Variants in DDX10 observed in about 807,000 individuals in gnomAD.
DDX10 encodes the protein probable ATP-dependent RNA helicase DDX10.
In DDX10, 74 loss-of-function variants were observed where a neutral mutation model predicts 104.3. The observed-to-expected ratio is 0.71, with a 90% CI of 0.59 to 0.86. The LOEUF (loss-of-function observed/expected upper bound fraction) is 0.86, where lower values mean the gene tolerates loss of function less well. Ranked by LOEUF, DDX10 falls within the 40% of genes least tolerant of loss-of-function variation. The pLI, the probability that DDX10 is intolerant of heterozygous loss-of-function variation, is 0.00. For missense variants in DDX10, 952 were observed against 1,040.0 expected, an observed-to-expected ratio of 0.92 and a Z score of 1.16; for synonymous variants, 351 against 353.4, an observed-to-expected ratio of 0.99 and a Z score of 0.08.
At chr11:108,937,764 G>C (rs897784634) in intron 17 of DDX10, among the ~76,000 whole-genome samples, 4 of 152,166 alleles carry the variant, frequency 2.6e-5, no homozygotes, top group Non-Finnish European at 5.9e-5. Context: ...TGTTACCTCT[G>C]AATTCTTTAG....
At chr11:108,684,143 T>C (rs7948820) in intron 6 of DDX10, among the ~76,000 whole-genome samples, 3,165 of 94,792 alleles carry the variant, frequency 0.033, 158 homozygotes, top group African/African-American at 0.13. Flanking sequence ...TTCCAGTTCT[T>C]TTTTTTTTTT....
chr11:108,821,720 G>A (rs1031715458), intron 13 of DDX10, among the ~76,000 whole-genome samples: 3 of 151,982 alleles, frequency 2.0e-5, no homozygotes, highest in Non-Finnish European at 4.4e-5. Context: ...GTAAGAAAGC[G>A]CTTTTTTAAA....
intron 15 of DDX10, 133 bp from the exon 16 acceptor site, chr11:108,852,020 T>C: frequency 1.5e-6 from 1 of 670,062 alleles, no homozygotes; most frequent in Non-Finnish European, 2.6e-6. Context: ...CCCATAGTAG[T>C]AGTCAGTAAA....
chr11:108,878,817 A>G (rs547921344), intron 16 of DDX10, among the ~76,000 whole-genome samples: 1 of 151,322 alleles, frequency 6.6e-6, no homozygotes, highest in South Asian at 2.1e-4. Context: ...TTGAAAACTT[A>G]CTATGTATGT....
In DDX10 at chr11:108,847,052, G is replaced by A. The variant is rs747435964; in HGVS notation, c.2248-5101G>A. ...CCACCCCAGCCTTCAGCTTTGTCTG[G>A]CACTTATAGGTAGCTGTGCTTAAAT... On this transcript the variant is annotated intron_variant, in intron 15 of 17. Transcript: ENST00000322536. Among the ~76,000 whole-genome samples the A allele has an allele frequency of 5.3e-5, 8 of 152,114 alleles. No individual in the cohort carries two copies. In the East Asian group the frequency reaches 1.3e-3, roughly 26 times the overall value.
At chr11:108,749,627 A>G in intron 13 of DDX10, among the ~76,000 whole-genome samples, 1 of 152,192 alleles carries the variant, frequency 6.6e-6, no homozygotes, top group Non-Finnish European at 1.5e-5. Context: ...CATCTGTAAG[A>G]CAGAAGTTGG....
chr11:108,811,698 T>G (rs1264905963), intron 13 of DDX10, among the ~76,000 whole-genome samples: 1 of 152,036 alleles, frequency 6.6e-6, no homozygotes, highest in African/African-American at 2.4e-5. Flanking sequence ...TTTCACGGAG[T>G]AGGAAAGAAT....
intron 13 of DDX10, among the ~76,000 whole-genome samples, chr11:108,831,843 G>A (rs562055466): frequency 1.3e-5 from 2 of 152,108 alleles, no homozygotes; most frequent in African/African-American, 4.8e-5. Context: ...TTTGTGACTG[G>A]TGGTGGCAGC....
At chr11:108,856,508 A>T (rs1313276837) in intron 16 of DDX10, among the ~76,000 whole-genome samples, 1 of 151,992 alleles carries the variant, frequency 6.6e-6, no homozygotes, top group Non-Finnish European at 1.5e-5. Context: ...ACCTTAAAAA[A>T]CTAATGGACT....
intron 13 of DDX10, among the ~76,000 whole-genome samples, chr11:108,745,954 A>T (rs1408465435): frequency 1.3e-5 from 2 of 152,102 alleles, no homozygotes; most frequent in Admixed American, 1.3e-4. Context: ...TAAAGTATGT[A>T]ATTTAATAGT....
chr11:108,817,195 C>A (rs968474212), intron 13 of DDX10, among the ~76,000 whole-genome samples: 6 of 152,136 alleles, frequency 3.9e-5, no homozygotes, highest in African/African-American at 1.4e-4. Flanking sequence ...TGTATTCTTT[C>A]TTTCATATTC....
chr11:108,915,444 TTG>T (rs1465169495), intron 16 of DDX10, among the ~76,000 whole-genome samples: 5 of 104,798 alleles, frequency 4.8e-5, no homozygotes, highest in African/African-American at 3.9e-4. Flanking sequence ...TTTTTTTTTT[TTG>T]GTTTTTTTTT....
chr11:108,750,501 T>C (rs2094337130), intron 13 of DDX10, among the ~76,000 whole-genome samples: 1 of 152,130 alleles, frequency 6.6e-6, no homozygotes, highest in Admixed American at 6.5e-5. Flanking sequence ...CCCAACTCTC[T>C]TTCACTCTCA....
intron 10 of DDX10, among the ~76,000 whole-genome samples, chr11:108,713,070 G>A (rs573712882): frequency 1.4e-4 from 22 of 152,050 alleles, no homozygotes; most frequent in Admixed American, 2.0e-4. Flanking sequence ...GGTGCCCCCC[G>A]TCCACTTCTT....
At chr11:108,743,374 C>T (rs1393453774) in intron 13 of DDX10, among the ~76,000 whole-genome samples, 1 of 152,040 alleles carries the variant, frequency 6.6e-6, no homozygotes, top group Non-Finnish European at 1.5e-5. Context: ...AAGGAATAAA[C>T]GTCAAAATAA....
intron 16 of DDX10, among the ~76,000 whole-genome samples, chr11:108,863,579 G>A (rs1862968169): frequency 6.6e-6 from 1 of 152,032 alleles, no homozygotes; most frequent in African/African-American, 2.4e-5. Flanking sequence ...AGCTTTCTTT[G>A]GAAAGTATAT....
intron 16 of DDX10, among the ~76,000 whole-genome samples, chr11:108,911,553 CTTCTTTTTTTT>C (rs1255317160): frequency 1.7e-5 from 2 of 117,146 alleles, no homozygotes; most frequent in African/African-American, 6.6e-5. Context: ...TTTGCCTCCT[CTTCTTTTTTTT>C]TTTTTTTTTT....
At chr11:108,725,063 T>C (rs191276420) in intron 13 of DDX10, among the ~76,000 whole-genome samples, 2 of 152,250 alleles carry the variant, frequency 1.3e-5, no homozygotes, top group Admixed American at 1.3e-4. Context: ...TGTTGCATTT[T>C]TCAGAATGAT....
rs200349271 is a variant in DDX10, at chr11:108,812,960, TGACA to T, written c.1966-25483_1966-25480del. Among the ~76,000 whole-genome samples, 665 of 101,946 alleles carry T rather than the reference TGACA, an allele frequency of 6.5e-3. 11 individuals carry two copies. Among genetic ancestry groups the T allele is most frequent in the Admixed American group, 0.033 (256 of 7,748 alleles). The allele number at this position is 101,946 out of a possible 152,430, so 66.9% of individuals were successfully genotyped here. The stretch of plus-strand genomic sequence containing the variant: ...TGGTGCCACTGCACTCCAGCCTGGA[TGACA>T]GAGTGACTCCATCTTAAAAAAAAAA... On this transcript the variant is annotated intron_variant, in intron 13 of 17. Coordinates refer to ENST00000322536, the MANE Select transcript of DDX10 (RefSeq NM_004398.4).
Sources: allele counts gnomAD v4.1 joint callset (sites outside exome capture counted in the v4.1 genomes callset), GRCh38; gene constraint gnomAD v4.1.1; transcripts MANE v1.5; gene names NCBI Gene and HGNC (gene_info 2026-07-23, HGNC 2026-07-21).